The following MED6 variants were observed in gnomAD, a reference collection of about 807,000 sequenced individuals.
MED6 encodes mediator of RNA polymerase II transcription subunit 6.
In MED6, 33 loss-of-function variants were observed where a neutral mutation model predicts 37.5. The observed-to-expected ratio is 0.88, with a 90% CI of 0.67 to 1.18. The LOEUF is 1.18. Ranked by LOEUF, MED6 falls within the 50% of genes most tolerant of loss-of-function variation. MED6 has a pLI of 0.00. For missense variants in MED6, 235 were observed against 290.6 expected, an observed-to-expected ratio of 0.81 and a Z score of 1.39; for synonymous variants, 94 against 93.6, an observed-to-expected ratio of 1.00 and a Z score of -0.02.
At chr14:70,593,138 G>A in intron 4 of MED6, 150 bp from the exon 5 acceptor site, 1 of 1,283,272 alleles carries the variant, frequency 7.8e-7, no homozygotes, top group Non-Finnish European at 1.1e-6. Flanking sequence ...TATACTTTGA[G>A]CACCGACTTG....
chr14:70,592,784 C>A, intron 5 of MED6, 96 bp downstream of exon 5: 1 of 1,388,842 alleles, frequency 7.2e-7, no homozygotes, highest in Non-Finnish European at 1.0e-6. Flanking sequence ...AAGTGAAACA[C>A]ACTTAGAAAA....
At chr14:70,585,704 C>T in intron 7 of MED6, 52 bp downstream of exon 7, 1 of 1,490,868 alleles carries the variant, frequency 6.7e-7, no homozygotes, top group South Asian at 1.3e-5. Flanking sequence ...GATTGATTTA[C>T]AAGCTGTTTG....
intron 5 of MED6, among the ~76,000 whole-genome samples, chr14:70,592,248 G>C (rs1176236927): frequency 6.6e-6 from 1 of 152,138 alleles, no homozygotes; most frequent in Non-Finnish European, 1.5e-5. Context: ...GAAGACAGTA[G>C]CAGATTACAT....
chr14:70,591,415 C>G (rs376238567), intron 5 of MED6, 34 bp from the exon 6 acceptor site: 2 of 1,518,672 alleles, frequency 1.3e-6, no homozygotes, highest in Non-Finnish European at 1.8e-6. Flanking sequence ...CAAAACATTG[C>G]CTACTTAGTT....
In MED6 at chr14:70,596,721, C is replaced by T. The variant is rs1342905070; in HGVS notation, c.183-19G>A. 1.3e-5 allele frequency: 20 copies of T among 1,569,122 alleles called. No homozygotes were observed. The highest frequency in any genetic ancestry group is 1.8e-5 in the Non-Finnish European group (20 of 1,141,376). On this transcript the variant is annotated intron_variant, in intron 2 of 7. Transcript: ENST00000256379. ...CATCTGACTGAAAACAGAACACAGA[C>T]ATCCAAAGATCTATAAACGCCCTAC...
At chr14:70,594,715 G>C in intron 3 of MED6, 4 of 462,846 alleles carry the variant, frequency 8.6e-6, no homozygotes, top group South Asian at 7.4e-5. Context: ...GGTTTCCAGG[G>C]CAGCTTGGGG....
intron 6 of MED6, among the ~76,000 whole-genome samples, chr14:70,587,801 C>T (rs1884753670): frequency 1.3e-5 from 2 of 152,128 alleles, no homozygotes; most frequent in Admixed American, 1.3e-4. Flanking sequence ...CTTCTAAAAC[C>T]AGCAATAAAA....
chr14:70,594,883 G>A (rs1460638920), intron 3 of MED6: 4 of 651,044 alleles, frequency 6.1e-6, no homozygotes, highest in Non-Finnish European at 1.1e-5. Flanking sequence ...CCAGAGGCTA[G>A]AGAGCAAAAT....
At position 70,584,681 on chromosome 14, in the gene MED6, T is replaced by C. The variant is rs975809789; in HGVS notation, c.*132A>G. The C allele has an allele frequency of 4.9e-6, 6 of 1,230,694 alleles. No individual in the cohort carries two copies. The highest frequency in any genetic ancestry group is 6.7e-6 in the Non-Finnish European group (6 of 892,064). 76.2% of individuals were successfully genotyped at this position (1,230,694 alleles called of 1,614,324 possible). On this transcript the variant is annotated 3_prime_UTR_variant, in exon 8 of 8. Coordinates refer to ENST00000256379, the MANE Select transcript of MED6 (RefSeq NM_005466.4). Reference sequence around the variant, plus strand: ...GTGAGCCACCACATCCGGCCTAATATCCTTTCAAAAAATAAGCGCATTCCA... The same window carrying C: ...GTGAGCCACCACATCCGGCCTAATACCCTTTCAAAAAATAAGCGCATTCCA...
intron 6 of MED6, among the ~76,000 whole-genome samples, chr14:70,590,859 C>T (rs1404087285): frequency 6.6e-6 from 1 of 152,200 alleles, no homozygotes; most frequent in African/African-American, 2.4e-5. Flanking sequence ...ATGTTCTGTT[C>T]TTTTTGTTAC....
intron 3 of MED6, chr14:70,595,191 C>T (rs1315830464): frequency 9.3e-6 from 5 of 536,840 alleles, no homozygotes; most frequent in Non-Finnish European, 1.8e-5. Context: ...CATGAAGAAC[C>T]GTGAAGAGGA....
At chr14:70,594,048 G>A (rs1163142130) in intron 3 of MED6, among the ~76,000 whole-genome samples, 2 of 152,168 alleles carry the variant, frequency 1.3e-5, no homozygotes, top group African/African-American at 4.8e-5. Context: ...CTTTGATTTT[G>A]TAACTGATTT....
intron 3 of MED6, chr14:70,595,825 T>C (rs747858315): frequency 5.8e-6 from 4 of 692,958 alleles, no homozygotes; most frequent in Admixed American, 1.9e-5. Flanking sequence ...TTCTGAGACA[T>C]TAAGCCAGCA....
rs747449075 is a variant in MED6, at chr14:70,591,303, A to G, written c.545T>C (p.Leu182Ser). Reference sequence around the variant, plus strand: ...GGGTGGAAATTTTTGTCTGAGGTCTAAAAGTAAAGCATCCACACGTTGTCT... The same window carrying G: ...GGGTGGAAATTTTTGTCTGAGGTCTGAAAGTAAAGCATCCACACGTTGTCT... ...FQRQRVDALL[L>S]DLRQKFPPKF... Residue 182 changes from leucine to serine, a missense_variant, in exon 6 of 8, where the codon TTA (leucine) becomes TCA (serine). Leu to Ser is a moderately radical substitution (Grantham distance 145, BLOSUM62 -2). Coordinates refer to ENST00000256379, the MANE Select transcript of MED6 (RefSeq NM_005466.4). 3 of 1,612,268 alleles carry G rather than the reference A, an allele frequency of 1.9e-6. No individual in the cohort carries two copies. The highest frequency in any genetic ancestry group is 1.3e-5 in the African/African-American group (1 of 75,000).
rs778279398 is a variant in MED6 at position 70,600,649 on chromosome 14, C to A, written c.-12G>T. 1 of 1,612,756 alleles carries A rather than the reference C, an allele frequency of 6.2e-7. No individual in the cohort carries two copies. Among genetic ancestry groups the A allele is most frequent in the South Asian group, 1.1e-5 (1 of 90,950 alleles). On this transcript the variant is annotated 5_prime_UTR_variant, in exon 1 of 8. Transcript: ENST00000256379. ...TCCACCGCCGCCATAATTCCGAGAG[C>A]GTTTACAGGTTCTCTTTCCGGCGCA...
chr14:70,595,464 C>T, intron 3 of MED6: 1 of 618,482 alleles, frequency 1.6e-6, no homozygotes, highest in Non-Finnish European at 3.0e-6. Context: ...GGAGACTGAC[C>T]TGGACTCGAT....
At chr14:70,588,848 C>T (rs1369597690) in intron 6 of MED6, among the ~76,000 whole-genome samples, 1 of 151,832 alleles carries the variant, frequency 6.6e-6, no homozygotes, top group Admixed American at 6.6e-5. Flanking sequence ...ATTCTCTCTG[C>T]TTTCATGTTT....
Position 70,584,829 on chromosome 14 carries a change from C to T in MED6, c.725G>A (p.Arg242Gln), listed in dbSNP as rs762281241. The change falls in exon 8 of 8, where the codon CGG becomes CAG. Residue 242 changes from arginine to glutamine, a missense_variant. By Grantham distance (43) the Arg-to-Gln change is conservative. Coordinates refer to ENST00000256379, the MANE Select transcript of MED6 (RefSeq NM_005466.4). ...TVSAKGPPEK[R>Q]MRLQ Reference sequence around the variant, plus strand: ...GTCCAGTACTCACTGAAGTCTCATCCGTTTTTCAGGGGGGCCTTTAGCACT... The same window carrying T: ...GTCCAGTACTCACTGAAGTCTCATCTGTTTTTCAGGGGGGCCTTTAGCACT... The T allele has an allele frequency of 7.4e-6, 12 of 1,613,950 alleles. No individual in the cohort carries two copies. The highest frequency in any genetic ancestry group is 1.6e-4 in the Middle Eastern group (1 of 6,084).
In MED6 at chr14:70,595,259, C is replaced by T. The variant is rs1885009082; in HGVS notation, c.274+1352G>A. 51 of 546,912 alleles carry T rather than the reference C, an allele frequency of 9.3e-5. 2 individuals are homozygous for T. Among genetic ancestry groups the T allele is most frequent in the South Asian group, 6.4e-4 (45 of 70,170 alleles). The allele number at this position is 546,912 out of a possible 1,614,324, so 33.9% of individuals were successfully genotyped here. A position where few individuals can be genotyped will look rare whatever the true frequency, so the allele number is the denominator to read the frequency against. On this transcript the variant is annotated intron_variant, in intron 3 of 7. Transcript: ENST00000256379. ...TGGGTTGACGATGAAGGTAGATACC[C>T]CCAAATCTCAGGACCTCGCCAAGAT...
Sources: gnomAD v4.1 joint callset for allele counts (sites outside exome capture counted in the v4.1 genomes callset) on GRCh38, gnomAD v4.1.1 for gene constraint, MANE v1.5 for transcripts, NCBI Gene and HGNC (gene_info 2026-07-23, HGNC 2026-07-21) for gene names.